Variants in ENTHD1 observed in about 807,000 individuals in gnomAD.
The protein encoded by ENTHD1 is ENTH domain containing 1.
ENTHD1 carries 23 observed loss-of-function variants against 39.1 expected under a neutral mutation model. The observed-to-expected ratio is 0.59, with a 90% CI of 0.42 to 0.83. ENTHD1 has a LOEUF of 0.83. Among genes scored for constraint, ENTHD1 ranks in the 40% least tolerant of loss-of-function variants. The pLI is 0.00. For synonymous variants in ENTHD1, 230 were observed against 258.2 expected, an observed-to-expected ratio of 0.89 and a Z score of 1.05; for missense variants, 624 against 705.4, an observed-to-expected ratio of 0.88 and a Z score of 1.31.
At position 39,821,105 on chromosome 22, in the gene ENTHD1, C is replaced by T; in HGVS notation, c.720G>A (p.Met240Ile). 1 of 1,613,864 alleles carries T rather than the reference C, an allele frequency of 6.2e-7. No individual in the cohort carries two copies. Among genetic ancestry groups the T allele is most frequent in the Non-Finnish European group, 8.5e-7 (1 of 1,179,892 alleles). ...IHGWKSTEDL[M>I]TFLDDDPELP... is the part of the protein sequence containing the mutation. Reference sequence around the variant, plus strand: ...GCTCTGGATCATCATCCAAAAATGTCATCAGGTCCTGACAGAAAACACAAG... The same window carrying T: ...GCTCTGGATCATCATCCAAAAATGTTATCAGGTCCTGACAGAAAACACAAG... The change falls in exon 5 of 7, where the codon ATG (methionine) becomes ATA (isoleucine). Residue 240 changes from methionine (M) to isoleucine (I), a missense_variant. Met to Ile is a conservative substitution (Grantham distance 10). Coordinates refer to ENST00000325157, the MANE Select transcript of ENTHD1 (RefSeq NM_152512.4).
Position 39,856,413 on chromosome 22 carries a change from C to T in ENTHD1, c.592+5352G>A, listed in dbSNP as rs574193263. Among the ~76,000 whole-genome samples, 51 of 151,926 alleles carry T rather than the reference C, an allele frequency of 3.4e-4. No homozygotes were observed. The South Asian group carries it at 0.011, about 32-fold the overall frequency. On this transcript the variant is annotated intron_variant, in intron 3 of 6. Transcript: ENST00000325157. ...CCTACATGGAATTGGTTAGTATTGC[C>T]AAGTTTACTTAATCCAATTACTCTT...
chr22:39,753,743 G>A (rs995565507), intron 6 of ENTHD1, among the ~76,000 whole-genome samples: 1 of 152,126 alleles, frequency 6.6e-6, no homozygotes, highest in Non-Finnish European at 1.5e-5. Context: ...ATTCCTCACC[G>A]CAATGACCTT....
At chr22:39,846,318 T>A (rs1002253499) in intron 3 of ENTHD1, among the ~76,000 whole-genome samples, 1 of 152,230 alleles carries the variant, frequency 6.6e-6, no homozygotes, top group African/African-American at 2.4e-5. Context: ...TTCCCATTTC[T>A]GCCTCCTGAA....
intron 3 of ENTHD1, among the ~76,000 whole-genome samples, chr22:39,856,649 CATACTT>C (rs1468623871): frequency 1.3e-5 from 2 of 151,806 alleles, no homozygotes; most frequent in Admixed American, 6.6e-5. Context: ...TTTTGTGAAA[CATACTT>C]AAAAGCACAT....
rs143483789 is a variant in ENTHD1 at position 39,755,229 on chromosome 22, T to C, written c.1219+9994A>G. 3.2e-3 allele frequency among the ~76,000 whole-genome samples: 491 copies of C among 152,232 alleles called. 5 individuals carry two copies. The highest frequency in any genetic ancestry group is 0.011 in the African/African-American group (474 of 41,536). Reference sequence around the variant, plus strand: ...TGAGGATAATTATAGGGTACTAAGATAGCATATGGTTAGGGGGATTTGAAA... The same window carrying C: ...TGAGGATAATTATAGGGTACTAAGACAGCATATGGTTAGGGGGATTTGAAA... On this transcript the variant is annotated intron_variant, in intron 6 of 6. Coordinates refer to ENST00000325157, the MANE Select transcript of ENTHD1 (RefSeq NM_152512.4).
chr22:39,874,775 TAAC>T (rs746420556), intron 2 of ENTHD1, among the ~76,000 whole-genome samples: 8 of 152,276 alleles, frequency 5.3e-5, no homozygotes, highest in Non-Finnish European at 1.5e-5. Flanking sequence ...AAAAGGCACT[TAAC>T]AACTTTTCAG....
chr22:39,875,295 G>A (rs911735280), intron 2 of ENTHD1: 9 of 1,158,274 alleles, frequency 7.8e-6, no homozygotes, highest in Non-Finnish European at 9.8e-6. Flanking sequence ...AAAGAAATTC[G>A]GTCGGTCGCA....
chr22:39,759,324 G>A (rs1433122023), intron 6 of ENTHD1, among the ~76,000 whole-genome samples: 13 of 152,056 alleles, frequency 8.5e-5, no homozygotes, highest in South Asian at 2.1e-4. Flanking sequence ...CTTATTTGAC[G>A]AACACAAAGG....
chr22:39,753,011 TC>T (rs2065158967), intron 6 of ENTHD1, among the ~76,000 whole-genome samples: 1 of 152,180 alleles, frequency 6.6e-6, no homozygotes, highest in Non-Finnish European at 1.5e-5. Context: ...TTGATTTCTT[TC>T]ACTTTCAAAG....
chr22:39,881,648 G>A (rs972812855), intron 2 of ENTHD1, among the ~76,000 whole-genome samples: 13 of 152,272 alleles, frequency 8.5e-5, no homozygotes, highest in African/African-American at 3.1e-4. Flanking sequence ...ACTTTAGTAG[G>A]GATAGACAAT....
chr22:39,872,344 A>C (rs1375271399), intron 2 of ENTHD1, among the ~76,000 whole-genome samples: 3 of 152,138 alleles, frequency 2.0e-5, no homozygotes, highest in African/African-American at 7.2e-5. Flanking sequence ...TCTTGGCTTT[A>C]TTCAATTCAT....
intron 2 of ENTHD1, among the ~76,000 whole-genome samples, chr22:39,869,533 C>T (rs1004380362): frequency 9.2e-5 from 14 of 151,558 alleles, no homozygotes; most frequent in African/African-American, 2.9e-4. Context: ...GATTAGTACA[C>T]GGGTGATGGG....
chr22:39,745,479 T>C (rs1019579073), intron 6 of ENTHD1, among the ~76,000 whole-genome samples: 2 of 152,214 alleles, frequency 1.3e-5, no homozygotes, highest in Non-Finnish European at 2.9e-5. Context: ...ATTTTTTGCT[T>C]CAAAGCTTTC....
intron 3 of ENTHD1, among the ~76,000 whole-genome samples, chr22:39,842,296 T>G (rs1339419405): frequency 6.6e-6 from 1 of 152,188 alleles, no homozygotes; most frequent in Non-Finnish European, 1.5e-5. Flanking sequence ...CTTGCTAGAT[T>G]GGGGAAGTTC....
chr22:39,857,484 T>C (rs2066103316), intron 3 of ENTHD1, among the ~76,000 whole-genome samples: 1 of 135,054 alleles, frequency 7.4e-6, no homozygotes, highest in African/African-American at 2.6e-5. Context: ...AATCTGTGAC[T>C]ACAAAACAAT....
chr22:39,846,438 C>T (rs1453696274), intron 3 of ENTHD1, among the ~76,000 whole-genome samples: 1 of 152,122 alleles, frequency 6.6e-6, no homozygotes, highest in Non-Finnish European at 1.5e-5. Flanking sequence ...TTGTAGATTG[C>T]CTGTTCACTC....
chr22:39,790,047 C>T (rs987239221), intron 5 of ENTHD1, among the ~76,000 whole-genome samples: 1 of 151,970 alleles, frequency 6.6e-6, no homozygotes, highest in Non-Finnish European at 1.5e-5. Flanking sequence ...GTTCCAGGAA[C>T]ACCAACAGGT....
intron 5 of ENTHD1, among the ~76,000 whole-genome samples, chr22:39,777,150 C>T (rs1260133915): frequency 6.6e-6 from 1 of 152,104 alleles, no homozygotes; most frequent in African/African-American, 2.4e-5. Context: ...GAAATAGAAT[C>T]TGAAGGTAAT....
At chr22:39,840,008 T>C (rs530068336) in intron 3 of ENTHD1, among the ~76,000 whole-genome samples, 1 of 152,342 alleles carries the variant, frequency 6.6e-6, no homozygotes, top group South Asian at 2.1e-4. Context: ...CAGTATCAGA[T>C]AGCATAACAC....
Sources: gnomAD v4.1 joint callset for allele counts (sites outside exome capture counted in the v4.1 genomes callset) on GRCh38, gnomAD v4.1.1 for gene constraint, MANE v1.5 for transcripts, NCBI Gene and HGNC (gene_info 2026-07-23, HGNC 2026-07-21) for gene names.